The following MBD5 variants were observed in gnomAD, a reference collection of about 807,000 sequenced individuals.
The protein encoded by MBD5 is methyl-CpG-binding domain protein 5.
Under a neutral mutation model 117.3 loss-of-function variants are expected in MBD5, and 13 were observed. The observed-to-expected ratio is 0.11, with a 90% CI of 0.07 to 0.18. The LOEUF (loss-of-function observed/expected upper bound fraction) is 0.18, where lower values mean the gene tolerates loss of function less well. Among genes scored for constraint, MBD5 ranks in the 10% least tolerant of loss-of-function variants. The pLI, the probability that MBD5 is intolerant of heterozygous loss-of-function variation, is 1.00. For synonymous variants in MBD5, 727 were observed against 766.4 expected (o/e 0.95, Z 0.85); for missense variants, 1,879 against 2,093.8 (o/e 0.90, Z 2.00).
At chr2:148,174,620 A>G (rs1698338666) in intron 1 of MBD5, among the ~76,000 whole-genome samples, 1 of 151,998 alleles carries the variant, frequency 6.6e-6, no homozygotes, top group South Asian at 2.1e-4. Context: ...TTAAAAAAAA[A>G]CATTAAAAAT....
chr2:148,415,021 G>C (rs1290751031), intron 4 of MBD5, among the ~76,000 whole-genome samples: 1 of 152,082 alleles, frequency 6.6e-6, no homozygotes, highest in Non-Finnish European at 1.5e-5. Context: ...TTGTTAGCTG[G>C]TTATTATGCA....
chr2:148,502,866 A>G (rs1202205944), intron 12 of MBD5: 1 of 350,196 alleles, frequency 2.9e-6, no homozygotes, highest in Non-Finnish European at 5.3e-6. Flanking sequence ...CAATTCAAAT[A>G]CTTTGGGGAG....
At chr2:148,440,215 A>G in intron 4 of MBD5, among the ~76,000 whole-genome samples, 1 of 152,236 alleles carries the variant, frequency 6.6e-6, no homozygotes, top group East Asian at 1.9e-4. Flanking sequence ...ACAAATTAAG[A>G]AATTAAAGAT....
At chr2:148,440,706 T>C (rs1524370) in intron 4 of MBD5, among the ~76,000 whole-genome samples, 40,653 of 152,134 alleles carry the variant, frequency 0.27, 6,650 homozygotes, top group African/African-American at 0.46. Context: ...ATAAATAAGA[T>C]AAGGGATGTG....
intron 2 of MBD5, among the ~76,000 whole-genome samples, chr2:148,223,161 G>C: frequency 6.6e-6 from 1 of 151,870 alleles, no homozygotes; most frequent in African/African-American, 2.4e-5. Context: ...TGTTGAATTT[G>C]GTTTGCTAGT....
At chr2:148,176,149 T>C (rs1203932541) in intron 1 of MBD5, among the ~76,000 whole-genome samples, 1 of 152,158 alleles carries the variant, frequency 6.6e-6, no homozygotes, top group Non-Finnish European at 1.5e-5. Context: ...ATTACATGCA[T>C]GTAAAAAGAA....
intron 3 of MBD5, among the ~76,000 whole-genome samples, chr2:148,259,916 T>C (rs1359583050): frequency 6.6e-6 from 1 of 152,232 alleles, no homozygotes; most frequent in Non-Finnish European, 1.5e-5. Flanking sequence ...AAATAGTTTA[T>C]TACTAACAAC....
chr2:148,325,776 A>G (rs1043272065), intron 3 of MBD5, among the ~76,000 whole-genome samples: 1 of 151,658 alleles, frequency 6.6e-6, no homozygotes, highest in African/African-American at 2.4e-5. Context: ...TTGATCCTTT[A>G]AAAAAACCAG....
intron 2 of MBD5, among the ~76,000 whole-genome samples, chr2:148,194,936 A>G (rs914380601): frequency 1.3e-5 from 2 of 152,188 alleles, no homozygotes; most frequent in African/African-American, 4.8e-5. Context: ...TAAAAACCCA[A>G]TAAACAACTC....
chr2:148,214,649 C>T (rs1038106776), intron 2 of MBD5, among the ~76,000 whole-genome samples: 3 of 152,134 alleles, frequency 2.0e-5, no homozygotes, highest in Non-Finnish European at 4.4e-5. Flanking sequence ...CTATATGACC[C>T]CTGTTATGTT....
intron 2 of MBD5, among the ~76,000 whole-genome samples, chr2:148,184,871 G>A (rs572795601): frequency 2.4e-4 from 37 of 152,262 alleles, no homozygotes; most frequent in East Asian, 1.7e-3. Flanking sequence ...TCTACAAAAT[G>A]ACACCTCAGA....
intron 1 of MBD5, among the ~76,000 whole-genome samples, chr2:148,085,929 G>A (rs867525587): frequency 2.0e-5 from 3 of 152,060 alleles, no homozygotes; most frequent in Non-Finnish European, 2.9e-5. Context: ...AAATGTATAC[G>A]TAGTTCACAC....
intron 10 of MBD5, 117 bp from the exon 11 acceptor site, chr2:148,489,269 T>G: frequency 1.6e-6 from 2 of 1,264,694 alleles, no homozygotes; most frequent in Non-Finnish European, 2.2e-6. Flanking sequence ...GTTCTTTATA[T>G]TTCCTTCCTT....
At chr2:148,290,122 A>C (rs778130325) in intron 3 of MBD5, among the ~76,000 whole-genome samples, 2 of 147,238 alleles carry the variant, frequency 1.4e-5, no homozygotes, top group Admixed American at 1.4e-4. Flanking sequence ...CGCCCAGCTA[A>C]TTTTTTTGTA....
chr2:148,031,868 T>G (rs1213582334), intron 1 of MBD5, among the ~76,000 whole-genome samples: 1 of 152,102 alleles, frequency 6.6e-6, no homozygotes, highest in African/African-American at 2.4e-5. Context: ...TAGTAAATAG[T>G]ACACAATTAA....
rs577198847 is a variant in MBD5 at position 148,113,323 on chromosome 2, T to C, written c.-924-65377T>C. Among the ~76,000 whole-genome samples the C allele has an allele frequency of 5.9e-5, 9 of 152,332 alleles. No individual in the cohort carries two copies. In the South Asian group the frequency reaches 1.0e-3, roughly 18 times the overall value. On this transcript the variant is annotated intron_variant, in intron 1 of 13. Transcript: ENST00000642680. ...AAACTTTTGTGTAACATTAGGTGCA[T>C]TGTGTTTCATCTCCTGGGAATATTA...
At position 148,513,260 on chromosome 2, in the gene MBD5, G is replaced by A; in HGVS notation, c.*319G>A. ...ATGTTTCTGAAGAATTTTCAATGTT[G>A]TATATAGAAAATACAGAATTTCATG... On this transcript the variant is annotated 3_prime_UTR_variant, in exon 14 of 14. Transcript: ENST00000642680. 1 of 326,008 alleles carries A rather than the reference G, an allele frequency of 3.1e-6. No homozygotes were observed. The highest frequency in any genetic ancestry group is 5.8e-6 in the Non-Finnish European group (1 of 173,362). The allele number at this position is 326,008 out of a possible 1,614,324, so 20.2% of individuals were successfully genotyped here. A position where few individuals can be genotyped will look rare whatever the true frequency, so the allele number is the denominator to read the frequency against.
At chr2:148,250,442 C>T (rs1700439563) in intron 3 of MBD5, among the ~76,000 whole-genome samples, 1 of 151,060 alleles carries the variant, frequency 6.6e-6, no homozygotes, top group South Asian at 2.1e-4. Context: ...CCTGAACCTT[C>T]TTCTTTGCTG....
At chr2:148,139,279 T>A (rs1397332051) in intron 1 of MBD5, among the ~76,000 whole-genome samples, 1 of 152,124 alleles carries the variant, frequency 6.6e-6, no homozygotes, top group East Asian at 1.9e-4. Context: ...CAATCTCGGC[T>A]CACCGCAACC....
Sources: allele counts gnomAD v4.1 joint callset (sites outside exome capture counted in the v4.1 genomes callset), GRCh38; gene constraint gnomAD v4.1.1; transcripts MANE v1.5; gene names NCBI Gene and HGNC (gene_info 2026-07-23, HGNC 2026-07-21).